The following PCDH9 variants were observed in gnomAD, a reference collection of about 807,000 sequenced individuals.
PCDH9 encodes the protein protocadherin 9, also known as protocadherin-9.
PCDH9 carries 24 observed loss-of-function variants against 70.6 expected under a neutral mutation model. The ratio of observed to expected loss-of-function variants is 0.34; its 90% CI spans 0.25 to 0.48. The LOEUF (loss-of-function observed/expected upper bound fraction) is 0.48. Among genes scored for constraint, PCDH9 ranks in the 20% least tolerant of loss-of-function variants. PCDH9 has a pLI of 0.99. For missense variants in PCDH9, 1,281 were observed against 1,503.6 expected, an observed-to-expected ratio of 0.85 and a Z score of 2.45; for synonymous variants, 562 against 558.5, an observed-to-expected ratio of 1.01 and a Z score of -0.09.
intron 3 of PCDH9, among the ~76,000 whole-genome samples, chr13:66,738,895 G>C (rs2079205637): frequency 6.7e-6 from 1 of 148,206 alleles, no homozygotes; most frequent in African/African-American, 2.5e-5. Flanking sequence ...GCGGAGAATG[G>C]AACCAAGTTG....
rs2080119886 is a variant in PCDH9, at chr13:66,788,821, A to G, written c.3138+114683T>C. 2.0e-5 allele frequency among the ~76,000 whole-genome samples: 3 copies of G among 152,024 alleles called. No homozygotes were observed. In the South Asian group the frequency reaches 6.2e-4, roughly 32 times the overall value. The stretch of plus-strand genomic sequence containing the variant: ...ATGATCCATCCCTGTTGTTTTTCCT[A>G]TTTATTCTTTCCTCTTTCCCAGCAA... On this transcript the variant is annotated intron_variant, in intron 3 of 4. Transcript: ENST00000377865.
intron 2 of PCDH9, among the ~76,000 whole-genome samples, chr13:67,115,038 A>G (rs1446298444): frequency 1.3e-5 from 2 of 152,172 alleles, no homozygotes; most frequent in Non-Finnish European, 2.9e-5. Flanking sequence ...TGTTTTGTAC[A>G]AATAGAATTT....
intron 4 of PCDH9, among the ~76,000 whole-genome samples, chr13:66,410,920 T>C (rs1566304905): frequency 6.6e-6 from 1 of 152,218 alleles, no homozygotes; most frequent in Non-Finnish European, 1.5e-5. Context: ...TTGAAATTGA[T>C]ATTTTCCAAA....
chr13:66,561,341 C>G (rs1279780791), intron 4 of PCDH9, among the ~76,000 whole-genome samples: 1 of 152,180 alleles, frequency 6.6e-6, no homozygotes, highest in East Asian at 1.9e-4. Context: ...CCGAGCCTCC[C>G]GGAGGAGTGC....
At chr13:66,340,255 C>T (rs888610811) in intron 4 of PCDH9, among the ~76,000 whole-genome samples, 2 of 152,110 alleles carry the variant, frequency 1.3e-5, no homozygotes, top group African/African-American at 2.4e-5. Context: ...AGGAGCTTAT[C>T]GTTTTTTGTC....
chr13:66,684,716 C>A (rs1474181729), intron 3 of PCDH9, among the ~76,000 whole-genome samples: 3 of 152,124 alleles, frequency 2.0e-5, no homozygotes, highest in Non-Finnish European at 4.4e-5. Context: ...CCAGTCTTGG[C>A]AGTTCTTTAT....
At chr13:66,902,034 C>T (rs1042586237) in intron 3 of PCDH9, among the ~76,000 whole-genome samples, 3 of 151,496 alleles carry the variant, frequency 2.0e-5, no homozygotes, top group Non-Finnish European at 3.0e-5. Flanking sequence ...TTTTTCTCTG[C>T]CATCCAATTA....
At chr13:66,470,941 T>C (rs996494308) in intron 4 of PCDH9, among the ~76,000 whole-genome samples, 7 of 150,176 alleles carry the variant, frequency 4.7e-5, no homozygotes, top group African/African-American at 1.7e-4. Context: ...TGCATTGAGA[T>C]GCACAAAGCA....
intron 3 of PCDH9, among the ~76,000 whole-genome samples, chr13:66,845,629 G>T (rs2081194456): frequency 6.6e-6 from 1 of 152,120 alleles, no homozygotes; most frequent in African/African-American, 2.4e-5. Context: ...GGCAGCAGCC[G>T]CTGCACCTAG....
intron 4 of PCDH9, among the ~76,000 whole-genome samples, chr13:66,542,698 A>G (rs1479196955): frequency 2.8e-5 from 4 of 144,624 alleles, no homozygotes; most frequent in African/African-American, 7.6e-5. Context: ...GTTTAAATAT[A>G]TATATATAAA....
chr13:66,336,780 G>A (rs965483277), intron 4 of PCDH9, among the ~76,000 whole-genome samples: 4 of 151,960 alleles, frequency 2.6e-5, no homozygotes, highest in Admixed American at 1.3e-4. Context: ...AGTCAGCATA[G>A]AAACTATTTT....
At chr13:67,033,398 G>A (rs984794912) in intron 2 of PCDH9, among the ~76,000 whole-genome samples, 2 of 152,142 alleles carry the variant, frequency 1.3e-5, no homozygotes, top group African/African-American at 4.8e-5. Flanking sequence ...GAGTTCATGT[G>A]TCATAGATAA....
chr13:66,795,913 T>C lies in PCDH9; in HGVS notation c.3138+107591A>G, dbSNP rs529209216. On this transcript the variant is annotated intron_variant, in intron 3 of 4. Transcript: ENST00000377865. ...TGTGTGCTCACTCGCTCATGGCTTT[T>C]GGAAGGATTCATCTCCTCTCTCCTC... is the stretch of plus-strand genomic sequence containing the variant. 6.6e-5 allele frequency among the ~76,000 whole-genome samples: 10 copies of C among 152,296 alleles called. No homozygotes were observed. In the South Asian group the frequency reaches 2.1e-3, roughly 32 times the overall value.
chr13:67,036,075 C>A (rs925175697), intron 2 of PCDH9, among the ~76,000 whole-genome samples: 7 of 152,268 alleles, frequency 4.6e-5, no homozygotes, highest in Middle Eastern at 3.4e-3. Flanking sequence ...AAAATTGGAA[C>A]AGCACATCAG....
At chr13:66,709,044 A>G (rs2078756468) in intron 3 of PCDH9, among the ~76,000 whole-genome samples, 1 of 152,194 alleles carries the variant, frequency 6.6e-6, no homozygotes, top group South Asian at 2.1e-4. Flanking sequence ...TTTAGCCATA[A>G]GATAGTCTTC....
intron 4 of PCDH9, among the ~76,000 whole-genome samples, chr13:66,558,230 A>G (rs1961828961): frequency 6.6e-6 from 1 of 152,202 alleles, no homozygotes; most frequent in Admixed American, 6.5e-5. Context: ...ATTAAATACT[A>G]AAATGCATTA....
intron 4 of PCDH9, among the ~76,000 whole-genome samples, chr13:66,321,509 C>T (rs767812021): frequency 1.3e-5 from 2 of 151,734 alleles, no homozygotes; most frequent in Non-Finnish European, 2.9e-5. Flanking sequence ...TCACTACTAC[C>T]TTAGGAGCTA....
At chr13:66,737,935 G>C (rs879523191) in intron 3 of PCDH9, among the ~76,000 whole-genome samples, 2 of 152,066 alleles carry the variant, frequency 1.3e-5, no homozygotes, top group Non-Finnish European at 2.9e-5. Context: ...GCCCGCCATT[G>C]CCCAGGCTTG....
At position 66,602,068 on chromosome 13, in the gene PCDH9, T is replaced by C. The variant is rs1048212691; in HGVS notation, c.3340+29142A>G. ...CTGGAGGGCCTAGCTAAGGCTCTTT[T>C]AGGTAAGTCCTCCAGGTATTAGTGT... On this transcript the variant is annotated intron_variant, in intron 4 of 4. Transcript: ENST00000377865. 1.8e-4 allele frequency among the ~76,000 whole-genome samples: 27 copies of C among 146,472 alleles called. 3 individuals carry two copies. The highest frequency in any genetic ancestry group is 6.6e-4 in the African/African-American group (27 of 40,646).
Sources: gnomAD v4.1 joint callset for allele counts (sites outside exome capture counted in the v4.1 genomes callset) on GRCh38, gnomAD v4.1.1 for gene constraint, MANE v1.5 for transcripts, NCBI Gene and HGNC (gene_info 2026-07-23, HGNC 2026-07-21) for gene names.